The following NGLY1 variants were observed in gnomAD, a reference collection of about 807,000 sequenced individuals.
NGLY1 encodes peptide-N(4)-(N-acetyl-beta-glucosaminyl)asparagine amidase.
A neutral mutation model predicts 84.6 loss-of-function variants in NGLY1; 68 were observed. The ratio of observed to expected loss-of-function variants is 0.80; its 90% confidence interval spans 0.66 to 0.98. NGLY1 has a LOEUF of 0.98. Ranked by LOEUF, NGLY1 falls within the 50% of genes least tolerant of loss-of-function variation. The probability of loss-of-function intolerance (pLI) is 0.00; values close to 1 mark genes in which losing one functional copy is unlikely to be tolerated. For synonymous variants in NGLY1, 280 were observed against 275.2 expected (o/e 1.02, Z -0.17); for missense variants, 779 against 770.2 (o/e 1.01, Z -0.14).
chr3:25,769,441 G>T (rs1406258268), intron 2 of NGLY1, among the ~76,000 whole-genome samples: 1 of 152,130 alleles, frequency 6.6e-6, no homozygotes, highest in African/African-American at 2.4e-5. Flanking sequence ...TTGGCTAACA[G>T]GTATATGAAA....
chr3:25,749,415 C>A, intron 4 of NGLY1: 1 of 868,424 alleles, frequency 1.2e-6, no homozygotes, highest in Non-Finnish European at 1.9e-6. Flanking sequence ...ACATTATTCA[C>A]CTTAAAAAGG....
At position 25,725,924 on chromosome 3, in the gene NGLY1, C is replaced by T. The variant is rs368301868; in HGVS notation, c.1611+3209G>A. On this transcript the variant is annotated intron_variant, in intron 10 of 11. Transcript: ENST00000280700. ...CCCATTAATCTAAACAGTTGACCCA[C>T]ATGTCTTTCACTTTACCAGCTGATA... 2.0e-5 allele frequency among the ~76,000 whole-genome samples: 3 copies of T among 152,206 alleles called. No homozygotes were observed. The South Asian group carries it at 6.2e-4, about 32-fold the overall frequency.
At chr3:25,767,836 G>A (rs1335391617) in intron 2 of NGLY1, among the ~76,000 whole-genome samples, 8 of 152,154 alleles carry the variant, frequency 5.3e-5, no homozygotes, top group African/African-American at 1.9e-4. Flanking sequence ...TTAGAGGCTG[G>A]GCGGGGTGGC....
intron 6 of NGLY1, chr3:25,736,850 A>C (rs1705850531): frequency 6.2e-6 from 1 of 160,270 alleles, no homozygotes; most frequent in Non-Finnish European, 1.4e-5. Flanking sequence ...TGCCACGGTA[A>C]ATTGCTAATA....
intron 3 of NGLY1, 108 bp from the exon 4 acceptor site, chr3:25,751,371 T>G: frequency 1.1e-6 from 1 of 881,474 alleles, no homozygotes; most frequent in South Asian, 2.5e-5. Context: ...AGGGAATGTA[T>G]GGATTCACTT....
intron 8 of NGLY1, among the ~76,000 whole-genome samples, chr3:25,732,871 G>A (rs1437322474): frequency 6.6e-6 from 1 of 152,178 alleles, no homozygotes; most frequent in East Asian, 1.9e-4. Context: ...CTGTTTGAGT[G>A]CAACAGAAAG....
At chr3:25,757,539 TAAAAG>T (rs1446588240) in intron 3 of NGLY1, among the ~76,000 whole-genome samples, 1 of 152,150 alleles carries the variant, frequency 6.6e-6, no homozygotes, top group African/African-American at 2.4e-5. Context: ...AATTTGAGCT[TAAAAG>T]AAAAAAGACT....
intron 9 of NGLY1, chr3:25,729,575 C>A: frequency 4.1e-6 from 1 of 245,264 alleles, no homozygotes; most frequent in African/African-American, 2.2e-5. Context: ...TCAATGAATT[C>A]ATTAATTTTT....
At chr3:25,725,052 C>T (rs997105167) in intron 10 of NGLY1, among the ~76,000 whole-genome samples, 2 of 152,160 alleles carry the variant, frequency 1.3e-5, no homozygotes, top group Non-Finnish European at 2.9e-5. Context: ...GGTCATAAAA[C>T]CCCTATTTCA....
At chr3:25,776,884 C>T (rs1226874829) in intron 2 of NGLY1, among the ~76,000 whole-genome samples, 2 of 152,168 alleles carry the variant, frequency 1.3e-5, no homozygotes, top group Non-Finnish European at 2.9e-5. Flanking sequence ...ATCTGTAATG[C>T]ACCAGCATTA....
chr3:25,777,530 C>T (rs1480156997), intron 2 of NGLY1, among the ~76,000 whole-genome samples: 1 of 152,018 alleles, frequency 6.6e-6, no homozygotes, highest in Non-Finnish European at 1.5e-5. Flanking sequence ...TTCTGTTTCA[C>T]GGTTACTTCT....
intron 5 of NGLY1, among the ~76,000 whole-genome samples, chr3:25,737,926 C>T (rs1407690744): frequency 3.9e-5 from 6 of 152,186 alleles, no homozygotes; most frequent in South Asian, 4.1e-4. Context: ...AATAATTAAA[C>T]GGTAGTACTG....
chr3:25,744,619 A>C (rs1437645045), intron 4 of NGLY1, among the ~76,000 whole-genome samples: 1 of 152,196 alleles, frequency 6.6e-6, no homozygotes, highest in Non-Finnish European at 1.5e-5. Context: ...TCATTTATAG[A>C]ATTTCAATTT....
intron 4 of NGLY1, among the ~76,000 whole-genome samples, chr3:25,748,535 A>C (rs1371290981): frequency 6.6e-6 from 1 of 152,208 alleles, no homozygotes; most frequent in Non-Finnish European, 1.5e-5. Context: ...CATCATGCCC[A>C]GCTTTTACAT....
upstream of NGLY1, among the ~76,000 whole-genome samples, chr3:25,788,046 T>C (rs575231158): frequency 7.9e-5 from 12 of 152,376 alleles, no homozygotes; most frequent in South Asian, 4.1e-4. Context: ...AATTCCACTA[T>C]AGCACCTGTT....
chr3:25,757,573 A>C (rs1231068649), intron 3 of NGLY1, among the ~76,000 whole-genome samples: 1 of 152,216 alleles, frequency 6.6e-6, no homozygotes, highest in Non-Finnish European at 1.5e-5. Flanking sequence ...GTAAAAACCA[A>C]CTGAAAAAAG....
intron 3 of NGLY1, among the ~76,000 whole-genome samples, chr3:25,757,387 T>C (rs758033189): frequency 2.0e-5 from 3 of 152,152 alleles, no homozygotes; most frequent in Non-Finnish European, 4.4e-5. Flanking sequence ...TCAATAGTAG[T>C]AGGAAAATAA....
At chr3:25,764,436 G>C (rs1707463344) in intron 2 of NGLY1, 125 bp from the exon 3 acceptor site, 1 of 1,047,916 alleles carries the variant, frequency 9.5e-7, no homozygotes, top group African/African-American at 1.6e-5. Flanking sequence ...AAATCATACT[G>C]TTTTCTTACC....
Position 25,733,466 on chromosome 3 carries a change from C to CGTGTGT in NGLY1, c.1260+400_1260+405dup, listed in dbSNP as rs60529800. ...TGCTTCAGAAATTTCCTCACATGGA[C>CGTGTGT]GTGTGTGTGTGTGTGTGTGTGTGTG... On this transcript the variant is annotated intron_variant, in intron 8 of 11. Transcript: ENST00000280700. Among the ~76,000 whole-genome samples, 282 of 134,190 alleles carry CGTGTGT rather than the reference C, an allele frequency of 2.1e-3. 1 individual carries two copies. Among genetic ancestry groups the CGTGTGT allele is most frequent in the African/African-American group, 4.1e-3 (149 of 36,250 alleles). 88.0% of individuals were successfully genotyped at this position (134,190 alleles called of 152,430 possible). A position where few individuals can be genotyped will look rare whatever the true frequency, so the allele number is the denominator to read the frequency against.
Sources: allele counts gnomAD v4.1 joint callset (sites outside exome capture counted in the v4.1 genomes callset), GRCh38; gene constraint gnomAD v4.1.1; transcripts MANE v1.5; gene names NCBI Gene and HGNC (gene_info 2026-07-23, HGNC 2026-07-21).